DYRK1A: variants seen among roughly 807,000 people sequenced by gnomAD.
DYRK1A encodes the protein dual specificity tyrosine phosphorylation regulated kinase 1A.
A neutral mutation model predicts 79.7 loss-of-function variants in DYRK1A; 9 were observed. The observed-to-expected ratio is 0.11, with a 90% confidence interval of 0.07 to 0.20. DYRK1A has a LOEUF of 0.20. Ranked by LOEUF, DYRK1A falls within the 10% of genes least tolerant of loss-of-function variation. DYRK1A has a pLI of 1.00. For missense variants in DYRK1A, 622 were observed against 956.0 expected, an observed-to-expected ratio of 0.65 and a Z score of 4.61; for synonymous variants, 349 against 329.7, an observed-to-expected ratio of 1.06 and a Z score of -0.63.
chr21:37,372,101 G>T (rs1363884369), intron 1 of DYRK1A, among the ~76,000 whole-genome samples: 4 of 151,962 alleles, frequency 2.6e-5, no homozygotes, highest in Non-Finnish European at 4.4e-5. Flanking sequence ...AAAATGTTAT[G>T]GACATGTATG....
chr21:37,434,887 A>G (rs903043163), intron 2 of DYRK1A, among the ~76,000 whole-genome samples: 4 of 152,226 alleles, frequency 2.6e-5, no homozygotes, highest in African/African-American at 4.8e-5. Context: ...TTGAGAATCT[A>G]TTTTAATGTA....
intron 1 of DYRK1A, among the ~76,000 whole-genome samples, chr21:37,404,385 A>G (rs1378284004): frequency 2.0e-5 from 3 of 152,092 alleles, no homozygotes; most frequent in East Asian, 1.9e-4. Flanking sequence ...CTCATTGTCT[A>G]TCATTTTGGT....
At chr21:37,411,960 T>C (rs2050253654) in intron 1 of DYRK1A, among the ~76,000 whole-genome samples, 1 of 152,208 alleles carries the variant, frequency 6.6e-6, no homozygotes, top group African/African-American at 2.4e-5. Context: ...GCTGTGCCAA[T>C]CTGTTTATTG....
rs995659029 is a variant in DYRK1A, at chr21:37,515,442, T to C, written c.*2911T>C. 1 of 152,294 alleles carries C rather than the reference T, an allele frequency of 6.6e-6. No individual in the cohort carries two copies. The highest frequency in any genetic ancestry group is 1.5e-5 in the Non-Finnish European group (1 of 68,050). 9.4% of individuals were successfully genotyped at this position (152,294 alleles called of 1,614,324 possible). On this transcript the variant is annotated 3_prime_UTR_variant, in exon 12 of 12. Coordinates refer to ENST00000647188, the MANE Select transcript of DYRK1A (RefSeq NM_001347721.2). ...TACATAATTTTGTGATTCAAAATGC[T>C]CATATTTTAGTTGGTAGCATTTCGA...
At chr21:37,509,982 A>ATATCTACAAAG (rs2053705040) in intron 11 of DYRK1A, among the ~76,000 whole-genome samples, 5 of 152,224 alleles carry the variant, frequency 3.3e-5, no homozygotes, top group Admixed American at 2.6e-4. Context: ...TAGCATGTCC[A>ATATCTACAAAG]CACAGTAGAT....
At chr21:37,406,123 G>A (rs2050141733) in intron 1 of DYRK1A, among the ~76,000 whole-genome samples, 1 of 151,712 alleles carries the variant, frequency 6.6e-6, no homozygotes, top group African/African-American at 2.4e-5. Context: ...AGTTGTAATT[G>A]TTCAGTACAA....
At chr21:37,424,314 CTCA>C (rs2050557698) in intron 2 of DYRK1A, among the ~76,000 whole-genome samples, 1 of 152,080 alleles carries the variant, frequency 6.6e-6, no homozygotes, top group African/African-American at 2.4e-5. Flanking sequence ...TGCTTTTGCA[CTCA>C]TGTTTTTACT....
At chr21:37,488,728 A>C (rs1255330493) in intron 6 of DYRK1A, 1 of 985,302 alleles carries the variant, frequency 1.0e-6, no homozygotes, top group Non-Finnish European at 1.2e-6. Flanking sequence ...CATTGGACGA[A>C]CATTGTGATC....
chr21:37,427,938 A>G (rs1355401329), intron 2 of DYRK1A, among the ~76,000 whole-genome samples: 5 of 151,366 alleles, frequency 3.3e-5, no homozygotes, highest in Non-Finnish European at 5.9e-5. Flanking sequence ...TGGGGTTTTA[A>G]TTTTTTTTCT....
intron 4 of DYRK1A, among the ~76,000 whole-genome samples, chr21:37,479,622 T>G (rs1247158776): frequency 9.5e-6 from 1 of 105,728 alleles, no homozygotes; most frequent in Non-Finnish European, 1.8e-5. Flanking sequence ...GTTTTTTGTT[T>G]TTTTTTTTTT....
chr21:37,421,678 A>G (rs968780813), intron 2 of DYRK1A: 14 of 152,148 alleles, frequency 9.2e-5, no homozygotes, highest in Non-Finnish European at 1.8e-4. Flanking sequence ...TATCACCATC[A>G]TAGAAAAACA....
At chr21:37,386,449 T>C (rs2049762427) in intron 1 of DYRK1A, among the ~76,000 whole-genome samples, 1 of 152,182 alleles carries the variant, frequency 6.6e-6, no homozygotes, top group Non-Finnish European at 1.5e-5. Flanking sequence ...GACACCGTTT[T>C]GGGTATTCTG....
At chr21:37,443,902 G>A (rs1279823542) in intron 2 of DYRK1A, among the ~76,000 whole-genome samples, 3 of 152,214 alleles carry the variant, frequency 2.0e-5, no homozygotes, top group African/African-American at 7.2e-5. Context: ...TATGTGTGCA[G>A]CAAAGCTTTT....
At position 37,490,520 on chromosome 21, in the gene DYRK1A, A is replaced by C. The variant is rs144900308; in HGVS notation, c.924+59A>C. 1.3e-3 allele frequency: 1,840 copies of C among 1,450,974 alleles called. 24 individuals carry two copies. In the African/African-American group the frequency reaches 0.024, roughly 19 times the overall value. The allele number at this position is 1,450,974 out of a possible 1,614,324, so 89.9% of individuals were successfully genotyped here. On this transcript the variant is annotated intron_variant, in intron 7 of 11. Transcript: ENST00000647188. Reference sequence around the variant, plus strand: ...GAAATTAAATAGAAGTAGGTAGGACAGTGTAGGTATTAGGTTGGCGCAAAA... The same window carrying C: ...GAAATTAAATAGAAGTAGGTAGGACCGTGTAGGTATTAGGTTGGCGCAAAA...
At chr21:37,417,538 T>TTCTTTTTTTTTTTCTTTTTC (rs372913876) in intron 1 of DYRK1A, among the ~76,000 whole-genome samples, 1 of 99,896 alleles carries the variant, frequency 1.0e-5, no homozygotes, top group Non-Finnish European at 2.2e-5. Context: ...TCTTTTTTTT[T>TTCTTTTTTTTTTTCTTTTTC]TTTTTTTTTT....
intron 1 of DYRK1A, among the ~76,000 whole-genome samples, chr21:37,394,958 A>G (rs1195265228): frequency 6.6e-6 from 1 of 152,246 alleles, no homozygotes; most frequent in Non-Finnish European, 1.5e-5. Context: ...AGTATTCTAC[A>G]GTTCACCTGT....
Position 37,467,117 on chromosome 21 carries a change from A to C in DYRK1A, c.11-5567A>C, listed in dbSNP as rs547099812. ...TGGGATTTACAAAAGAAAAAAAAAA[A>C]AAAACAAAACAAAAAAACGGAAACT... On this transcript the variant is annotated intron_variant, in intron 2 of 11. Transcript: ENST00000647188. 6.2e-3 allele frequency among the ~76,000 whole-genome samples: 940 copies of C among 151,216 alleles called. 12 individuals are homozygous for C. The highest frequency in any genetic ancestry group is 0.019 in the African/African-American group (781 of 40,736).
intron 1 of DYRK1A, among the ~76,000 whole-genome samples, chr21:37,406,710 G>GA (rs940994170): frequency 3.8e-4 from 55 of 143,430 alleles, no homozygotes; most frequent in Non-Finnish European, 5.3e-4. Flanking sequence ...CTCCAAAAAT[G>GA]AAAAAAAAAA....
chr21:37,434,076 G>T (rs2050853522), intron 2 of DYRK1A, among the ~76,000 whole-genome samples: 1 of 152,132 alleles, frequency 6.6e-6, no homozygotes. Flanking sequence ...ACAGGTGTGG[G>T]TGATGGGTGC....
Sources: gnomAD v4.1 joint callset for allele counts (sites outside exome capture counted in the v4.1 genomes callset) on GRCh38, gnomAD v4.1.1 for gene constraint, MANE v1.5 for transcripts, NCBI Gene and HGNC (gene_info 2026-07-23, HGNC 2026-07-21) for gene names.